CEP85L: variants seen among roughly 807,000 people sequenced by gnomAD.
The protein encoded by CEP85L is centrosomal protein 85L.
Under a neutral mutation model 100.3 loss-of-function variants are expected in CEP85L, and 60 were observed. The observed-to-expected ratio is 0.60, with a 90% CI of 0.49 to 0.74. The LOEUF is 0.74. CEP85L is among the 30% of genes least tolerant of loss of function. The pLI is 0.00. For synonymous variants in CEP85L, 319 were observed against 322.7 expected, an observed-to-expected ratio of 0.99 and a Z score of 0.12; for missense variants, 973 against 936.2, an observed-to-expected ratio of 1.04 and a Z score of -0.51.
chr6:118,486,399 TAAG>T (rs1774189623), intron 6 of CEP85L, among the ~76,000 whole-genome samples: 1 of 152,218 alleles, frequency 6.6e-6, no homozygotes, highest in African/African-American at 2.4e-5. Flanking sequence ...ACATGTTTTA[TAAG>T]AAGTTCACAA....
intron 2 of CEP85L, among the ~76,000 whole-genome samples, chr6:118,569,341 C>CAAAAAAAAAAAAAAAAA (rs56123225): frequency 7.3e-5 from 5 of 68,198 alleles, no homozygotes; most frequent in Admixed American, 2.5e-4. Context: ...GACTCTGTCT[C>CAAAAAAAAAAAAAAAAA]AAAAAAAAAA....
chr6:118,669,749 C>A (rs1253176143), intron 1 of CEP85L, among the ~76,000 whole-genome samples: 1 of 151,820 alleles, frequency 6.6e-6, no homozygotes, highest in African/African-American at 2.4e-5. Context: ...GGGCCTCACT[C>A]ATATATTTAT....
chr6:118,515,566 A>C (rs987851979), intron 4 of CEP85L, among the ~76,000 whole-genome samples: 1 of 152,236 alleles, frequency 6.6e-6, no homozygotes, highest in Non-Finnish European at 1.5e-5. Flanking sequence ...CAGTGAAATT[A>C]AATCAGAAAA....
At chr6:118,685,564 T>C (rs1776802924) in intron 1 of CEP85L, among the ~76,000 whole-genome samples, 1 of 152,220 alleles carries the variant, frequency 6.6e-6, no homozygotes, top group Non-Finnish European at 1.5e-5. Context: ...GATTTTTATT[T>C]TTCATGAAAT....
chr6:118,687,468 G>A (rs1776872519), intron 1 of CEP85L, among the ~76,000 whole-genome samples: 1 of 152,096 alleles, frequency 6.6e-6, no homozygotes, highest in South Asian at 2.1e-4. Flanking sequence ...TTAAACACGG[G>A]GCTTGCAACT....
intron 10 of CEP85L, among the ~76,000 whole-genome samples, chr6:118,476,593 A>G (rs1388456287): frequency 6.6e-6 from 1 of 152,174 alleles, no homozygotes; most frequent in African/African-American, 2.4e-5. Flanking sequence ...TTTTCCCACT[A>G]TTTCTACTGA....
At position 118,507,950 on chromosome 6, in the gene CEP85L, G is replaced by A. The variant is rs536660721; in HGVS notation, c.1257+3348C>T. ...TCCATTAGACTACACATTCCTTGAG[G>A]GCAAAACCAGCTTCATTCACATTTC... On this transcript the variant is annotated intron_variant, in intron 5 of 12. Transcript: ENST00000368491. 1.4e-3 allele frequency among the ~76,000 whole-genome samples: 212 copies of A among 152,258 alleles called. 1 individual carries two copies. Among genetic ancestry groups the A allele is most frequent in the Non-Finnish European group, 2.7e-3 (182 of 68,002 alleles).
At chr6:118,707,206 C>G (rs201363409) in intron 1 of CEP85L, among the ~76,000 whole-genome samples, 4 of 88,486 alleles carry the variant, frequency 4.5e-5, no homozygotes, top group Non-Finnish European at 9.4e-5. Flanking sequence ...TTTTTTTTTT[C>G]TTTTTTGAGA....
chr6:118,540,204 T>C (rs1229952603), intron 3 of CEP85L, among the ~76,000 whole-genome samples: 3 of 152,134 alleles, frequency 2.0e-5, no homozygotes, highest in Non-Finnish European at 4.4e-5. Context: ...AAACAGGTAC[T>C]GTAATTAGCA....
intron 3 of CEP85L, among the ~76,000 whole-genome samples, chr6:118,547,933 T>C (rs1281497603): frequency 1.3e-5 from 2 of 152,138 alleles, no homozygotes; most frequent in Admixed American, 6.5e-5. Context: ...GTTTTGCTTA[T>C]ACCTGTGTTT....
At chr6:118,662,417 A>G (rs1009234549) in intron 1 of CEP85L, among the ~76,000 whole-genome samples, 2 of 151,808 alleles carry the variant, frequency 1.3e-5, no homozygotes, top group African/African-American at 4.8e-5. Flanking sequence ...GTAATCCCAG[A>G]TACTCGGGAG....
chr6:118,679,988 TA>T (rs996477553), intron 1 of CEP85L, among the ~76,000 whole-genome samples: 408 of 142,930 alleles, frequency 2.9e-3, no homozygotes, highest in Middle Eastern at 3.6e-3. Flanking sequence ...TCATTGGCAT[TA>T]AAAAAAAAAA....
chr6:118,514,932 A>C (rs1362103267), intron 4 of CEP85L, among the ~76,000 whole-genome samples: 1 of 151,930 alleles, frequency 6.6e-6, no homozygotes, highest in Non-Finnish European at 1.5e-5. Flanking sequence ...AGCCTTCCAA[A>C]TAGCTGGGAC....
intron 2 of CEP85L, among the ~76,000 whole-genome samples, chr6:118,580,827 C>G (rs10081007): frequency 0.029 from 4,436 of 152,274 alleles, 192 homozygotes; most frequent in African/African-American, 0.091. Flanking sequence ...GTGTATGTGT[C>G]AACTGTGTGG....
chr6:118,563,971 C>T (rs1209848722), intron 3 of CEP85L, among the ~76,000 whole-genome samples: 1 of 152,130 alleles, frequency 6.6e-6, no homozygotes, highest in Non-Finnish European at 1.5e-5. Context: ...CTTAAAAGCG[C>T]TATAAAGAGA....
At position 118,527,002 on chromosome 6, in the gene CEP85L, CTTTTTTTT is replaced by C. The variant is rs764883723; in HGVS notation, c.1021-3090_1021-3083del. ...CCACTGTTTCATTCCTTTACTTTTT[CTTTTTTTT>C]TTTTTTTTTTTTTTTTTTAATTGAG... On this transcript the variant is annotated intron_variant, in intron 3 of 12. Coordinates refer to ENST00000368491, the MANE Select transcript of CEP85L (RefSeq NM_001042475.3). Among the ~76,000 whole-genome samples, 12 of 98,732 alleles carry C rather than the reference CTTTTTTTT, an allele frequency of 1.2e-4. No homozygotes were observed. The East Asian group carries it at 2.3e-3, about 19-fold the overall frequency. 64.8% of individuals were successfully genotyped at this position (98,732 alleles called of 152,430 possible).
intron 3 of CEP85L, among the ~76,000 whole-genome samples, chr6:118,563,827 A>C (rs1779355286): frequency 6.6e-6 from 1 of 152,188 alleles, no homozygotes; most frequent in Admixed American, 6.5e-5. Context: ...TACTACTTGG[A>C]GGCTCCAAGA....
intron 2 of CEP85L, among the ~76,000 whole-genome samples, chr6:118,568,434 G>C (rs1342985730): frequency 1.3e-5 from 2 of 152,180 alleles, no homozygotes; most frequent in African/African-American, 4.8e-5. Context: ...GAAGCCAAAA[G>C]AATGTGGCTG....
At position 118,609,085 on chromosome 6, in the gene CEP85L, A is replaced by G. The variant is rs151263138; in HGVS notation, c.232+23368T>C. 2.6e-5 allele frequency among the ~76,000 whole-genome samples: 4 copies of G among 152,314 alleles called. No homozygotes were observed. The East Asian group carries it at 7.7e-4, about 29-fold the overall frequency. ...AAAAATTATTTTTTAAAGAAATCCA[A>G]TATATAGATGTTTTTAGGAAAAGAA... is the stretch of plus-strand genomic sequence containing the variant. On this transcript the variant is annotated intron_variant, in intron 2 of 12. Coordinates refer to ENST00000368491, the MANE Select transcript of CEP85L (RefSeq NM_001042475.3).
Sources: allele counts gnomAD v4.1 joint callset (sites outside exome capture counted in the v4.1 genomes callset), GRCh38; gene constraint gnomAD v4.1.1; transcripts MANE v1.5; gene names NCBI Gene and HGNC (gene_info 2026-07-23, HGNC 2026-07-21).